SDK1: variants seen among roughly 807,000 people sequenced by gnomAD.
SDK1 encodes sidekick cell adhesion molecule 1.
In SDK1, 157 loss-of-function variants were observed where a neutral mutation model predicts 245.5. That is an observed-to-expected ratio of 0.64 (90% confidence interval 0.56 to 0.73). The LOEUF is 0.73. Ranked by LOEUF, SDK1 falls within the 30% of genes least tolerant of loss-of-function variation. The probability of loss-of-function intolerance (pLI) is 0.00; values close to 1 mark genes in which losing one functional copy is unlikely to be tolerated. For missense variants in SDK1, 3,583 were observed against 3,002.3 expected, an observed-to-expected ratio of 1.19 and a Z score of -4.52; for synonymous variants, 1,647 against 1,278.5, an observed-to-expected ratio of 1.29 and a Z score of -6.15.
Position 4,067,937 on chromosome 7 carries a change from G to A in SDK1, c.3010+1G>A. The A allele has an allele frequency of 6.2e-7, 1 of 1,600,786 alleles. No homozygotes were observed. The highest frequency in any genetic ancestry group is 8.6e-7 in the Non-Finnish European group (1 of 1,169,576). Reference sequence around the variant, plus strand: ...CTGGAGAAAAATGGCATCATTACTGGTAAGTAGGCCTGTCCTTCAAAAAAG... The same window carrying A: ...CTGGAGAAAAATGGCATCATTACTGATAAGTAGGCCTGTCCTTCAAAAAAG... On this transcript the variant is annotated splice_donor_variant, in intron 20 of 44. Coordinates refer to ENST00000404826, the MANE Select transcript of SDK1 (RefSeq NM_152744.4). LOFTEE classifies it high-confidence loss of function.
chr7:3,538,447 C>T (rs931820782), intron 1 of SDK1, among the ~76,000 whole-genome samples: 3 of 152,164 alleles, frequency 2.0e-5, no homozygotes, highest in Non-Finnish European at 2.9e-5. Flanking sequence ...CACTCTGAGG[C>T]AAGTTCAGAA....
intron 22 of SDK1, among the ~76,000 whole-genome samples, chr7:4,080,387 G>C (rs1382930608): frequency 6.6e-6 from 1 of 152,168 alleles, no homozygotes; most frequent in Non-Finnish European, 1.5e-5. Flanking sequence ...GGAGGAAAAA[G>C]ATAAAGGGCC....
chr7:3,403,844 T>TATATATATATATATA (rs1562466052), intron 1 of SDK1, among the ~76,000 whole-genome samples: 2 of 93,468 alleles, frequency 2.1e-5, no homozygotes, highest in African/African-American at 1.3e-4. Context: ...TATATATATA[T>TATATATATATATATA]ATATATATAT....
At chr7:4,175,280 C>T (rs187918329) in intron 33 of SDK1, among the ~76,000 whole-genome samples, 1 of 152,214 alleles carries the variant, frequency 6.6e-6, no homozygotes, top group Non-Finnish European at 1.5e-5. Context: ...GACCACCAGA[C>T]AGTTGGCATC....
At chr7:4,152,241 T>G (rs1780433581) in intron 30 of SDK1, among the ~76,000 whole-genome samples, 1 of 152,116 alleles carries the variant, frequency 6.6e-6, no homozygotes, top group Non-Finnish European at 1.5e-5. Flanking sequence ...ACTTGCCCTT[T>G]GAGCTACAGC....
chr7:4,051,146 TA>T (rs1789440284), intron 18 of SDK1, among the ~76,000 whole-genome samples: 2 of 140,138 alleles, frequency 1.4e-5, no homozygotes, highest in African/African-American at 2.6e-5. Context: ...AATATATGTA[TA>T]ATATATACAT....
chr7:4,096,709 G>A (rs1476631840), intron 22 of SDK1, among the ~76,000 whole-genome samples: 1 of 152,100 alleles, frequency 6.6e-6, no homozygotes, highest in African/African-American at 2.4e-5. Context: ...CCCAGAGGGA[G>A]GCCTGTGGAG....
At chr7:3,951,142 T>C in intron 6 of SDK1, 108 bp downstream of exon 6, 1 of 809,462 alleles carries the variant, frequency 1.2e-6, no homozygotes, top group Admixed American at 2.1e-5. Context: ...CTAGCGACAG[T>C]GGTCTTGTTT....
At chr7:3,544,512 A>G (rs1562552707) in intron 1 of SDK1, among the ~76,000 whole-genome samples, 2 of 152,338 alleles carry the variant, frequency 1.3e-5, no homozygotes, top group South Asian at 4.1e-4. Flanking sequence ...GTTTCTTCAC[A>G]TGGAAAATGA....
At chr7:3,979,516 G>A (rs551495748) in intron 13 of SDK1, among the ~76,000 whole-genome samples, 1 of 152,248 alleles carries the variant, frequency 6.6e-6, no homozygotes, top group African/African-American at 2.4e-5. Flanking sequence ...AAATGTCTGG[G>A]TAAGCCTCAC....
In SDK1 at chr7:4,226,174, C is replaced by T. The variant is rs556296601; in HGVS notation, c.5827+4810C>T. Among the ~76,000 whole-genome samples the T allele has an allele frequency of 9.8e-5, 15 of 152,308 alleles. No individual in the cohort carries two copies. In the East Asian group the frequency reaches 2.9e-3, roughly 29 times the overall value. The stretch of plus-strand genomic sequence containing the variant: ...CCGAAGCTCCCTGGCAAGACGTTCT[C>T]CAGGTGGGGTGTGGTTTGCTCCAGG... On this transcript the variant is annotated intron_variant, in intron 40 of 44. Coordinates refer to ENST00000404826, the MANE Select transcript of SDK1 (RefSeq NM_152744.4).
In SDK1 at chr7:3,962,770, C is replaced by T. The variant is rs762978309; in HGVS notation, c.1348C>T (p.Pro450Ser). 1.9e-6 allele frequency: 3 copies of T among 1,613,598 alleles called. No individual in the cohort carries two copies. The African/African-American group carries it at 4.0e-5, about 22-fold the overall frequency. ...SGGLRIQKLR[P>S]EDSGIFQCFA... ...AGGCCTGCGCATCCAGAAGCTGCGT[C>T]CAGAGGACTCCGGAATCTTCCAGTG... Residue 450 changes from proline (P) to serine (S), a missense_variant, in exon 9 of 45, where the codon CCA (proline) becomes TCA (serine). By Grantham distance (74) the Pro-to-Ser change is moderately conservative. Transcript: ENST00000404826.
intron 5 of SDK1, among the ~76,000 whole-genome samples, chr7:3,861,506 G>A (rs889524686): frequency 6.6e-6 from 1 of 152,018 alleles, no homozygotes; most frequent in African/African-American, 2.4e-5. Context: ...TGCTGCTTGG[G>A]TGCCACCAAA....
intron 1 of SDK1, among the ~76,000 whole-genome samples, chr7:3,310,687 T>C (rs191717323): frequency 6.6e-6 from 1 of 152,262 alleles, no homozygotes; most frequent in East Asian, 1.9e-4. Flanking sequence ...AGCTGTTAAG[T>C]TGTGTGGATA....
At chr7:3,908,277 A>C (rs6953707) in intron 5 of SDK1, among the ~76,000 whole-genome samples, 6 of 152,042 alleles carry the variant, frequency 3.9e-5, no homozygotes, top group African/African-American at 1.5e-4. Context: ...AAGTTCTGTC[A>C]TGGGATGGAA....
chr7:3,431,186 G>A (rs564801605), intron 1 of SDK1, among the ~76,000 whole-genome samples: 14 of 152,042 alleles, frequency 9.2e-5, no homozygotes, highest in African/African-American at 3.4e-4. Context: ...CAGGCGTGAG[G>A]CACCACGCCT....
intron 4 of SDK1, among the ~76,000 whole-genome samples, chr7:3,802,582 A>G (rs1779134859): frequency 6.6e-6 from 1 of 151,504 alleles, no homozygotes; most frequent in Admixed American, 6.6e-5. Flanking sequence ...ACAGACATCC[A>G]TCCCCCTTGT....
At chr7:3,766,532 T>C (rs886808007) in intron 4 of SDK1, among the ~76,000 whole-genome samples, 4 of 152,184 alleles carry the variant, frequency 2.6e-5, no homozygotes, top group Non-Finnish European at 4.4e-5. Flanking sequence ...ACCTGGTTAA[T>C]ATGGTTTTTG....
intron 4 of SDK1, among the ~76,000 whole-genome samples, chr7:3,720,383 C>G (rs183825470): frequency 1.3e-5 from 2 of 152,124 alleles, no homozygotes; most frequent in East Asian, 1.9e-4. Flanking sequence ...ACTCTTAGAA[C>G]TCAACATTAA....
Sources: allele counts gnomAD v4.1 joint callset (sites outside exome capture counted in the v4.1 genomes callset), GRCh38; gene constraint gnomAD v4.1.1; transcripts MANE v1.5; gene names NCBI Gene and HGNC (gene_info 2026-07-23, HGNC 2026-07-21).